Variants in SLC12A8 observed in about 807,000 individuals in gnomAD.
The protein encoded by SLC12A8 is solute carrier family 12 member 8.
A neutral mutation model predicts 75.6 loss-of-function variants in SLC12A8; 69 were observed. That is an observed-to-expected ratio of 0.91 (90% CI 0.75 to 1.11). The LOEUF (loss-of-function observed/expected upper bound fraction) is 1.11. Among genes scored for constraint, SLC12A8 ranks in the 50% most tolerant of loss-of-function variants. SLC12A8 has a pLI of 0.00. For synonymous variants in SLC12A8, 365 were observed against 372.8 expected, an observed-to-expected ratio of 0.98 and a Z score of 0.24; for missense variants, 877 against 896.7, an observed-to-expected ratio of 0.98 and a Z score of 0.28.
At chr3:125,188,770 G>T (rs1284165493) in intron 3 of SLC12A8, among the ~76,000 whole-genome samples, 1 of 152,340 alleles carries the variant, frequency 6.6e-6, no homozygotes, top group East Asian at 1.9e-4. Flanking sequence ...GAAGTCAGTT[G>T]TACTCTGTTC....
chr3:125,195,512 G>T (rs971382454), intron 2 of SLC12A8, among the ~76,000 whole-genome samples: 1 of 152,114 alleles, frequency 6.6e-6, no homozygotes, highest in Admixed American at 6.5e-5. Context: ...TGAGGTCTTC[G>T]TGGCTGTGTC....
intron 12 of SLC12A8, 51 bp downstream of exon 12, chr3:125,091,388 G>T: frequency 1.7e-6 from 2 of 1,197,750 alleles, no homozygotes; most frequent in Non-Finnish European, 1.2e-6. Context: ...TTTTCCCAAT[G>T]AATGGTAGAG....
intron 5 of SLC12A8, among the ~76,000 whole-genome samples, chr3:125,136,795 C>A (rs1933505150): frequency 1.3e-5 from 2 of 152,200 alleles, no homozygotes; most frequent in African/African-American, 4.8e-5. Flanking sequence ...ACCCTGCAGG[C>A]ACGTTGCTTC....
Position 125,110,259 on chromosome 3 carries a change from C to G in SLC12A8, c.989G>C (p.Gly330Ala). 6.2e-7 allele frequency: 1 copy of G among 1,614,032 alleles called. No homozygotes were observed. The highest frequency in any genetic ancestry group is 8.5e-7 in the Non-Finnish European group (1 of 1,179,938). The change falls in exon 9 of 14, where the codon GGA (glycine) becomes GCA (alanine). Residue 330 changes from glycine to alanine, a missense_variant. Transcript: ENST00000469902. ...SLASCMGGLY[G>A]APRILQCIAQ... ...AATGCACTGCAGGATGCGGGGAGCT[C>G]CATAAAGTCCTCCCATGCAGGAAGC...
intron 13 of SLC12A8, chr3:125,087,934 C>T (rs149808650): frequency 2.8e-5 from 5 of 179,700 alleles, no homozygotes; most frequent in Admixed American, 5.8e-5. Context: ...TGCTTCCTGG[C>T]GTTACATTTC....
intron 13 of SLC12A8, among the ~76,000 whole-genome samples, chr3:125,084,997 T>C (rs1287065485): frequency 6.6e-6 from 1 of 152,262 alleles, no homozygotes; most frequent in African/African-American, 2.4e-5. Context: ...TCTAATGTTA[T>C]TGATCTGTGG....
In SLC12A8 at chr3:125,141,894, A is replaced by G. The variant is rs531630795; in HGVS notation, c.623-6112T>C. ...GAGGGTGGGGCTCGGAGGGCGCAGG[A>G]AGAGCGGCTCTGCGAGGAAAGGGAA... On this transcript the variant is annotated intron_variant, in intron 5 of 13. Transcript: ENST00000469902. Among the ~76,000 whole-genome samples, 42 of 152,036 alleles carry G rather than the reference A, an allele frequency of 2.8e-4. No individual in the cohort carries two copies. In the South Asian group the frequency reaches 3.5e-3, roughly 13 times the overall value.
At chr3:125,100,608 A>G (rs1938844175) in intron 10 of SLC12A8, among the ~76,000 whole-genome samples, 1 of 151,272 alleles carries the variant, frequency 6.6e-6, no homozygotes, top group Non-Finnish European at 1.5e-5. Flanking sequence ...AGGTTTCTCC[A>G]TGTTGGTCAG....
intron 1 of SLC12A8, 44 bp from the exon 2 acceptor site, chr3:125,211,438 C>G (rs1935335575): frequency 3.9e-6 from 4 of 1,016,442 alleles, no homozygotes; most frequent in African/African-American, 1.6e-5. Context: ...TTCTCCTCTC[C>G]TCTCCCCTTG....
intron 2 of SLC12A8, among the ~76,000 whole-genome samples, chr3:125,204,621 T>C (rs1478249343): frequency 6.6e-6 from 1 of 152,140 alleles, no homozygotes; most frequent in Non-Finnish European, 1.5e-5. Flanking sequence ...TGGGTATAAC[T>C]GCATAGTTAG....
At chr3:125,120,872 G>T (rs1434329786) in intron 6 of SLC12A8, 186 bp from the exon 7 acceptor site, 2 of 703,076 alleles carry the variant, frequency 2.8e-6, no homozygotes, top group Non-Finnish European at 5.2e-6. Context: ...CATCCCTGTG[G>T]CGTGAAAGGC....
intron 5 of SLC12A8, among the ~76,000 whole-genome samples, chr3:125,159,419 A>T (rs1176192080): frequency 6.6e-6 from 1 of 152,128 alleles, no homozygotes; most frequent in East Asian, 1.9e-4. Context: ...AAGGATATAA[A>T]TCCATAAGAA....
chr3:125,182,781 C>G (rs62265747), intron 4 of SLC12A8, among the ~76,000 whole-genome samples: 22,879 of 152,188 alleles, frequency 0.15, 1,802 homozygotes, highest in Middle Eastern at 0.18. Flanking sequence ...TCTGGGATTA[C>G]AGGCGTGAGC....
In SLC12A8 at chr3:125,107,990, T is replaced by C; in HGVS notation, c.1196A>G (p.Asp399Gly). Residue 399 changes from aspartate (D) to glycine (G), a missense_variant, in exon 10 of 14, where the codon GAC becomes GGC. Physicochemically the swap from Asp to Gly is moderately conservative, Grantham distance 94. Coordinates refer to ENST00000469902, the MANE Select transcript of SLC12A8 (RefSeq NM_024628.6). ...CATGGACAGGGAGAAGTAAGAGTAG[T>C]CCACTGCAACGTATGTCAGCATGAA... The part of the protein sequence containing the change: ...INFMLTYVAV[D>G]YSYFSLSMCS... 2 of 1,614,118 alleles carry C rather than the reference T, an allele frequency of 1.2e-6. No individual in the cohort carries two copies. The highest frequency in any genetic ancestry group is 1.3e-5 in the African/African-American group (1 of 75,026).
At position 125,120,590 on chromosome 3, in the gene SLC12A8, G is replaced by A. The variant is rs914934659; in HGVS notation, c.824+9C>T. On this transcript the variant is annotated intron_variant, in intron 7 of 13. Transcript: ENST00000469902. ...CTAGCTCAGACTGATTGCCATGAGG[G>A]GAACTTACGAGATGCCAACAGCTGC... 6.9e-6 allele frequency: 11 copies of A among 1,605,414 alleles called. No individual in the cohort carries two copies. In the Admixed American group the frequency reaches 1.0e-4, roughly 15 times the overall value.
At chr3:125,190,221 G>A (rs1443814870) in intron 3 of SLC12A8, among the ~76,000 whole-genome samples, 154 bp downstream of exon 3, 1 of 152,216 alleles carries the variant, frequency 6.6e-6, no homozygotes, top group African/African-American at 2.4e-5. Flanking sequence ...CATTTAACAA[G>A]CAATGCTAGC....
intron 5 of SLC12A8, among the ~76,000 whole-genome samples, chr3:125,162,608 T>A (rs1396394704): frequency 6.6e-6 from 1 of 152,208 alleles, no homozygotes; most frequent in Non-Finnish European, 1.5e-5. Context: ...AACTTTCTTG[T>A]CACAGCCAAG....
At chr3:125,207,988 A>C (rs1247196559) in intron 2 of SLC12A8, among the ~76,000 whole-genome samples, 1 of 151,800 alleles carries the variant, frequency 6.6e-6, no homozygotes, top group East Asian at 1.9e-4. Context: ...AGGTCCACTC[A>C]CCCCATCACA....
chr3:125,140,657 C>A (rs1933607916), intron 5 of SLC12A8, among the ~76,000 whole-genome samples: 2 of 152,200 alleles, frequency 1.3e-5, no homozygotes, highest in Non-Finnish European at 2.9e-5. Flanking sequence ...ACCACACTGA[C>A]CCTCTGTAAT....
Sources: gnomAD v4.1 joint callset for allele counts (sites outside exome capture counted in the v4.1 genomes callset) on GRCh38, gnomAD v4.1.1 for gene constraint, MANE v1.5 for transcripts, NCBI Gene and HGNC (gene_info 2026-07-23, HGNC 2026-07-21) for gene names.